The following TMEM229B variants were observed in gnomAD, a reference collection of about 807,000 sequenced individuals.
TMEM229B encodes the protein chromosome 14 open reading frame 83.
TMEM229B carries 6 observed loss-of-function variants against 13.7 expected under a neutral mutation model. The observed-to-expected ratio is 0.44, with a 90% CI of 0.24 to 0.86. TMEM229B has a LOEUF of 0.86. Ranked by LOEUF, TMEM229B falls within the 40% of genes least tolerant of loss-of-function variation. The pLI is 0.23. For missense variants in TMEM229B, 170 were observed against 236.0 expected (o/e 0.72, Z 1.83); for synonymous variants, 107 against 102.1 (o/e 1.05, Z -0.29).
At chr14:67,494,226 C>A (rs1566687263) in intron 1 of TMEM229B, among the ~76,000 whole-genome samples, 1 of 152,228 alleles carries the variant, frequency 6.6e-6, no homozygotes, top group East Asian at 1.9e-4. Flanking sequence ...CTCAGTCAGT[C>A]TCTCATTAAC....
chr14:67,489,549 C>T (rs2032069149), upstream of TMEM229B, among the ~76,000 whole-genome samples: 1 of 152,198 alleles, frequency 6.6e-6, no homozygotes, highest in South Asian at 2.1e-4. Context: ...CCCTCCTCTG[C>T]AGCCACCATT....
intron 1 of TMEM229B, among the ~76,000 whole-genome samples, chr14:67,514,245 C>T (rs2140252286): frequency 6.6e-6 from 1 of 152,258 alleles, no homozygotes; most frequent in East Asian, 1.9e-4. Context: ...CAGGGAAACC[C>T]TGGGGAAAGA....
chr14:67,504,999 A>T (rs748279487), intron 1 of TMEM229B, among the ~76,000 whole-genome samples: 44 of 152,316 alleles, frequency 2.9e-4, no homozygotes, highest in Non-Finnish European at 5.3e-4. Context: ...GATATTTTTT[A>T]AAGTTTTAAA....
At chr14:67,499,783 G>A (rs2032529898) in intron 1 of TMEM229B, among the ~76,000 whole-genome samples, 1 of 152,094 alleles carries the variant, frequency 6.6e-6, no homozygotes, top group Non-Finnish European at 1.5e-5. Context: ...TTTAATGGTG[G>A]GGGAAAGGCA....
intron 1 of TMEM229B, among the ~76,000 whole-genome samples, chr14:67,529,295 G>C (rs187028685): frequency 7.4e-4 from 112 of 152,224 alleles, no homozygotes; most frequent in African/African-American, 2.6e-3. Context: ...GAATGTATGT[G>C]GTAACTGCAT....
At chr14:67,511,990 C>G (rs2033042366) in intron 1 of TMEM229B, among the ~76,000 whole-genome samples, 1 of 152,248 alleles carries the variant, frequency 6.6e-6, no homozygotes. Context: ...CATCCCACAG[C>G]TCAAAGTCTG....
At chr14:67,520,534 G>A (rs2033275390) in intron 1 of TMEM229B, among the ~76,000 whole-genome samples, 1 of 152,142 alleles carries the variant, frequency 6.6e-6, no homozygotes, top group African/African-American at 2.4e-5. Flanking sequence ...TTTCAGCATT[G>A]AATAATATTC....
chr14:67,481,236 T>C (rs1233300392), intron 2 of TMEM229B, among the ~76,000 whole-genome samples: 1 of 152,102 alleles, frequency 6.6e-6, no homozygotes, highest in Non-Finnish European at 1.5e-5. Context: ...TGAGCTATGA[T>C]TGTGCCACTG....
At chr14:67,478,900 T>C (rs959210908) in intron 2 of TMEM229B, among the ~76,000 whole-genome samples, 1 of 152,104 alleles carries the variant, frequency 6.6e-6, no homozygotes, top group African/African-American at 2.4e-5. Flanking sequence ...TTGTTTAAGA[T>C]AGTGGTAAGA....
intron 1 of TMEM229B, among the ~76,000 whole-genome samples, chr14:67,506,266 C>T (rs1414265783): frequency 6.6e-6 from 1 of 152,098 alleles, no homozygotes; most frequent in Non-Finnish European, 1.5e-5. Context: ...GCTTGTAAGA[C>T]TTAAAGTGAT....
chr14:67,528,689 A>G (rs2033403283), intron 1 of TMEM229B, among the ~76,000 whole-genome samples: 1 of 151,754 alleles, frequency 6.6e-6, no homozygotes, highest in Non-Finnish European at 1.5e-5. Flanking sequence ...GCCCCCATTC[A>G]CCTGGCTCTC....
intron 2 of TMEM229B, among the ~76,000 whole-genome samples, chr14:67,486,619 T>C (rs2031897675): frequency 6.6e-6 from 1 of 152,174 alleles, no homozygotes; most frequent in Non-Finnish European, 1.5e-5. Flanking sequence ...AAGCTCTCTT[T>C]CTGCTTGCTA....
At chr14:67,497,411 A>G (rs1257062371) in intron 1 of TMEM229B, among the ~76,000 whole-genome samples, 2 of 152,044 alleles carry the variant, frequency 1.3e-5, no homozygotes, top group Admixed American at 6.5e-5. Flanking sequence ...CCCTCCTTCC[A>G]GTGCCGGGAT....
intron 2 of TMEM229B, among the ~76,000 whole-genome samples, chr14:67,484,018 A>T (rs760048063): frequency 2.6e-5 from 4 of 152,216 alleles, no homozygotes; most frequent in Non-Finnish European, 4.4e-5. Flanking sequence ...CTGGCATCCC[A>T]GACCTGTATG....
intron 1 of TMEM229B, among the ~76,000 whole-genome samples, chr14:67,522,167 C>T (rs188076531): frequency 4.3e-4 from 65 of 151,924 alleles, no homozygotes; most frequent in African/African-American, 1.3e-3. Context: ...AGTGAGACTC[C>T]GTCTCAAAAC....
At chr14:67,489,715 G>T (rs969877613), upstream of TMEM229B, among the ~76,000 whole-genome samples, 1 of 152,218 alleles carries the variant, frequency 6.6e-6, no homozygotes, top group Non-Finnish European at 1.5e-5. Flanking sequence ...ATGTAGCCGG[G>T]CGCGGTGGCT....
upstream of TMEM229B, among the ~76,000 whole-genome samples, chr14:67,520,273 T>G (rs2033271644): frequency 6.6e-6 from 1 of 152,228 alleles, no homozygotes; most frequent in African/African-American, 2.4e-5. Flanking sequence ...TTGACATGTA[T>G]CCACCATTTA....
chr14:67,480,750 G>A (rs1459050612), intron 2 of TMEM229B, among the ~76,000 whole-genome samples: 1 of 152,178 alleles, frequency 6.6e-6, no homozygotes, highest in African/African-American at 2.4e-5. Context: ...TGACATGACT[G>A]TGTGGATCTC....
chr14:67,527,858 T>C (rs2033391208), intron 1 of TMEM229B, among the ~76,000 whole-genome samples: 1 of 152,232 alleles, frequency 6.6e-6, no homozygotes, highest in Admixed American at 6.5e-5. Context: ...GCTCTGCATG[T>C]AGGACCCCAC....
Sources: allele counts gnomAD v4.1 joint callset (sites outside exome capture counted in the v4.1 genomes callset), GRCh38; gene constraint gnomAD v4.1.1; transcripts MANE v1.5; gene names NCBI Gene and HGNC (gene_info 2026-07-23, HGNC 2026-07-21).